Variants in XRN2 observed in about 807,000 individuals in gnomAD.
XRN2 encodes the protein 5'-3' exoribonuclease 2.
In XRN2, 44 loss-of-function variants were observed where a neutral mutation model predicts 138.5. The observed-to-expected ratio is 0.32, with a 90% CI of 0.25 to 0.41. The LOEUF (loss-of-function observed/expected upper bound fraction) is 0.41. Among genes scored for constraint, XRN2 ranks in the 10% least tolerant of loss-of-function variants. The pLI, the probability that XRN2 is intolerant of heterozygous loss-of-function variation, is 1.00. For synonymous variants in XRN2, 354 were observed against 369.4 expected (o/e 0.96, Z 0.48); for missense variants, 937 against 1,169.3 (o/e 0.80, Z 2.90).
At chr20:21,326,722 C>T in intron 3 of XRN2, 121 bp downstream of exon 3, 1 of 759,362 alleles carries the variant, frequency 1.3e-6, no homozygotes, top group Middle Eastern at 3.3e-4. Context: ...AGAAAGAAAG[C>T]CTCATCCTTC....
At chr20:21,331,092 G>A (rs1055944043) in intron 6 of XRN2, among the ~76,000 whole-genome samples, 1 of 152,100 alleles carries the variant, frequency 6.6e-6, no homozygotes, top group Non-Finnish European at 1.5e-5. Context: ...ATATGTAAAT[G>A]AACTTGTTTG....
At chr20:21,315,470 G>A (rs1306375864) in intron 1 of XRN2, among the ~76,000 whole-genome samples, 1 of 152,084 alleles carries the variant, frequency 6.6e-6, no homozygotes, top group Non-Finnish European at 1.5e-5. Flanking sequence ...TTGGAGAAAT[G>A]TCTATTTAGG....
At chr20:21,356,435 A>C in intron 22 of XRN2, 151 bp from the exon 23 acceptor site, 2 of 660,242 alleles carry the variant, frequency 3.0e-6, no homozygotes, top group Non-Finnish European at 5.2e-6. Context: ...CTCTATGTGT[A>C]CTTTTTTATC....
chr20:21,304,562 C>T (rs1306222508), intron 1 of XRN2, among the ~76,000 whole-genome samples: 1 of 152,070 alleles, frequency 6.6e-6, no homozygotes, highest in Non-Finnish European at 1.5e-5. Flanking sequence ...CCTTCTCATC[C>T]CATTTCTCCA....
At chr20:21,386,286 G>T (rs1377255364) in intron 28 of XRN2, among the ~76,000 whole-genome samples, 6 of 152,188 alleles carry the variant, frequency 3.9e-5, no homozygotes, top group Non-Finnish European at 8.8e-5. Context: ...GGTCACCGTG[G>T]TCAATTGAAA....
intron 26 of XRN2, 106 bp from the exon 27 acceptor site, chr20:21,368,352 AGATCT>A: frequency 7.5e-7 from 1 of 1,325,840 alleles, no homozygotes; most frequent in Non-Finnish European, 1.0e-6. Context: ...TATCTTAATC[AGATCT>A]GTTAGTGAAG....
At chr20:21,370,914 C>G (rs1192420146) in intron 27 of XRN2, among the ~76,000 whole-genome samples, 3 of 152,158 alleles carry the variant, frequency 2.0e-5, no homozygotes, top group Non-Finnish European at 4.4e-5. Flanking sequence ...GGCTTTGTTT[C>G]TCCATTCCTG....
intron 1 of XRN2, among the ~76,000 whole-genome samples, chr20:21,314,089 T>G (rs890424007): frequency 1.3e-5 from 2 of 152,220 alleles, no homozygotes; most frequent in Non-Finnish European, 2.9e-5. Flanking sequence ...CTCTAACTGC[T>G]GTCTCCTTTT....
At chr20:21,375,610 T>A (rs2038811679) in intron 27 of XRN2, among the ~76,000 whole-genome samples, 1 of 151,738 alleles carries the variant, frequency 6.6e-6, no homozygotes, top group Non-Finnish European at 1.5e-5. Flanking sequence ...GCTTTTCCAA[T>A]AATCTTTTAA....
intron 28 of XRN2, among the ~76,000 whole-genome samples, chr20:21,383,607 A>G (rs996053087): frequency 2.0e-5 from 3 of 152,224 alleles, no homozygotes; most frequent in Admixed American, 2.0e-4. Context: ...TGAGCGTAAT[A>G]TAAAGACGTA....
chr20:21,313,533 A>G (rs760351708), intron 1 of XRN2, among the ~76,000 whole-genome samples: 2 of 152,242 alleles, frequency 1.3e-5, no homozygotes, highest in East Asian at 1.9e-4. Context: ...TGTGGATTAG[A>G]TGTATTAATA....
Position 21,330,684 on chromosome 20 carries a change from C to A in XRN2, c.555C>A (p.Asp185Glu), listed in dbSNP as rs1400508023. The A allele has an allele frequency of 6.8e-6, 11 of 1,612,512 alleles. No homozygotes were observed. The highest frequency in any genetic ancestry group is 7.6e-6 in the Non-Finnish European group (9 of 1,179,916). ...RYYIADRLNNDPGWKNLTVIL... is the reference protein window; with the variant it reads ...RYYIADRLNNEPGWKNLTVIL... ...ACATAGCTGATCGTTTAAATAATGACCCTGGGTGGAAAAATTTGACAGTAA... is the reference window on the plus strand; with the variant it reads ...ACATAGCTGATCGTTTAAATAATGAACCTGGGTGGAAAAATTTGACAGTAA... The change falls in exon 6 of 30, where the codon GAC (aspartate) becomes GAA (glutamate). Residue 185 changes from aspartate to glutamate, a missense_variant. Physicochemically the swap from Asp to Glu is conservative, Grantham distance 45. Around this residue, in one of 6 missense-constraint regions of XRN2, gnomAD observed 471 missense variants for 581.2 expected, o/e 0.81. Transcript: ENST00000377191.
intron 20 of XRN2, among the ~76,000 whole-genome samples, chr20:21,349,996 A>G (rs996372481): frequency 6.6e-6 from 1 of 152,224 alleles, no homozygotes; most frequent in African/African-American, 2.4e-5. Context: ...TTGCTGAGAA[A>G]TACAGAAACA....
rs760333582 is a variant in XRN2, at chr20:21,333,591, C to A, written c.906C>A (p.Ile302=). 1.2e-6 allele frequency: 2 copies of A among 1,613,632 alleles called. No individual in the cohort carries two copies. Residue 302 remains isoleucine (I), a synonymous_variant, in exon 10 of 30, where the codon ATC becomes ATA. Coordinates refer to ENST00000377191, the MANE Select transcript of XRN2 (RefSeq NM_012255.5). Reference sequence around the variant, plus strand: ...TTCCTTGTGCAGAAGGAGAGTTTATCTTCCTTCGGCTTAATGTTCTTCGTG... The same window carrying A: ...TTCCTTGTGCAGAAGGAGAGTTTATATTCCTTCGGCTTAATGTTCTTCGTG... ...DSLPCAEGEF[I]FLRLNVLREY...
chr20:21,375,010 CTTTTTTTTTTTTTT>C (rs34212552), intron 27 of XRN2, among the ~76,000 whole-genome samples: 9 of 44,674 alleles, frequency 2.0e-4, no homozygotes, highest in South Asian at 1.1e-3. Context: ...TTGGTAAGTT[CTTTTTTTTTTTTTT>C]TTTTTTTTTT....
At chr20:21,376,862 T>G (rs184889388) in intron 27 of XRN2, among the ~76,000 whole-genome samples, 1 of 152,174 alleles carries the variant, frequency 6.6e-6, no homozygotes, top group Non-Finnish European at 1.5e-5. Flanking sequence ...TGAAATACTT[T>G]AGAGGCATCT....
At chr20:21,303,583 G>T (rs961078942) in intron 1 of XRN2, 110 bp downstream of exon 1, 17 of 1,392,480 alleles carry the variant, frequency 1.2e-5, no homozygotes, top group Non-Finnish European at 1.6e-5. Flanking sequence ...CGGAGCTCGC[G>T]CCCTGCTGCC....
chr20:21,373,210 A>G (rs1374230473), intron 27 of XRN2, among the ~76,000 whole-genome samples: 1 of 152,108 alleles, frequency 6.6e-6, no homozygotes, highest in Non-Finnish European at 1.5e-5. Context: ...GGGTTTCACC[A>G]TGTTGGCCAG....
chr20:21,328,432 A>T, intron 3 of XRN2, 127 bp from the exon 4 acceptor site: 1 of 898,324 alleles, frequency 1.1e-6, no homozygotes, highest in Non-Finnish European at 1.7e-6. Flanking sequence ...AAGGATTATT[A>T]GACACATTAC....
Sources: gnomAD v4.1 joint callset for allele counts (sites outside exome capture counted in the v4.1 genomes callset) on GRCh38, gnomAD v4.1.1 for gene constraint, gnomAD v4.1.1 regional missense constraint, MANE v1.5 for transcripts, NCBI Gene and HGNC (gene_info 2026-07-23, HGNC 2026-07-21) for gene names.